SIAH3: variants seen among roughly 807,000 people sequenced by gnomAD.
SIAH3 encodes the protein siah E3 ubiquitin protein ligase family member 3, also known as seven in absentia homolog 3.
In SIAH3, 9 loss-of-function variants were observed where a neutral mutation model predicts 12.6. The ratio of observed to expected loss-of-function variants is 0.72; its 90% CI spans 0.43 to 1.25. SIAH3 has a LOEUF of 1.25. Among genes scored for constraint, SIAH3 ranks in the 50% most tolerant of loss-of-function variants. SIAH3 has a pLI of 0.00. For missense variants in SIAH3, 390 were observed against 365.4 expected, an observed-to-expected ratio of 1.07 and a Z score of -0.55; for synonymous variants, 154 against 151.1, an observed-to-expected ratio of 1.02 and a Z score of -0.14.
chr13:45,834,100 A>G (rs1950709800), intron 1 of SIAH3, among the ~76,000 whole-genome samples: 1 of 152,132 alleles, frequency 6.6e-6, no homozygotes, highest in African/African-American at 2.4e-5. Flanking sequence ...CTAATTGGAA[A>G]CTGCCTTCTG....
intron 1 of SIAH3, among the ~76,000 whole-genome samples, chr13:45,803,876 A>G (rs1054907129): frequency 1.3e-5 from 2 of 152,196 alleles, no homozygotes; most frequent in African/African-American, 4.8e-5. Flanking sequence ...CAAGGATGAC[A>G]TAAGAAAACT....
intron 1 of SIAH3, among the ~76,000 whole-genome samples, chr13:45,823,241 G>A (rs1879014834): frequency 6.6e-6 from 1 of 152,126 alleles, no homozygotes; most frequent in South Asian, 2.1e-4. Context: ...CCACTGCCTG[G>A]CCCAACCCTA....
At chr13:45,845,180 T>G (rs1950754316) in intron 1 of SIAH3, among the ~76,000 whole-genome samples, 1 of 142,808 alleles carries the variant, frequency 7.0e-6, no homozygotes, top group Admixed American at 7.8e-5. Context: ...TCTCATTTGT[T>G]TTATGCATTT....
chr13:45,846,047 T>G (rs1950758684), intron 1 of SIAH3, among the ~76,000 whole-genome samples: 1 of 149,662 alleles, frequency 6.7e-6, no homozygotes, highest in African/African-American at 2.5e-5. Flanking sequence ...CCTGGGGCAG[T>G]GTAGGAATAT....
chr13:45,778,016 A>C lies in SIAH3; in HGVS notation c.*5367T>G, dbSNP rs1009138550. ...TCTGGGTAGGCTATGGATTGTGAAC[A>C]GGGTCCTTACTGGGTTGCAAAAAAG... On this transcript the variant is annotated 3_prime_UTR_variant, in exon 2 of 2. Coordinates refer to ENST00000400405, the MANE Select transcript of SIAH3 (RefSeq NM_198849.3). 3 of 152,212 alleles carry C rather than the reference A, an allele frequency of 2.0e-5. No individual in the cohort carries two copies. Among genetic ancestry groups the C allele is most frequent in the Admixed American group, 2.0e-4 (3 of 15,280 alleles). 9.4% of individuals were successfully genotyped at this position (152,212 alleles called of 1,614,324 possible). A position where few individuals can be genotyped will look rare whatever the true frequency, so the allele number is the denominator to read the frequency against.
At position 45,779,054 on chromosome 13, in the gene SIAH3, A is replaced by G. The variant is rs1175111587; in HGVS notation, c.*4329T>C. 1.3e-5 allele frequency: 2 copies of G among 152,174 alleles called. No individual in the cohort carries two copies. The highest frequency in any genetic ancestry group is 2.9e-5 in the Non-Finnish European group (2 of 68,028). 9.4% of individuals were successfully genotyped at this position (152,174 alleles called of 1,614,324 possible). ...AGTAGCATTTGCTAATTTCCATGGT[A>G]TGAATACTTCCACCATGGCTAATTT... On this transcript the variant is annotated 3_prime_UTR_variant, in exon 2 of 2. Coordinates refer to ENST00000400405, the MANE Select transcript of SIAH3 (RefSeq NM_198849.3).
intron 1 of SIAH3, among the ~76,000 whole-genome samples, chr13:45,846,126 G>A (rs1048379324): frequency 4.3e-5 from 4 of 93,050 alleles, no homozygotes; most frequent in East Asian, 7.1e-4. Context: ...TTTCGCTCTT[G>A]TTGCCCAGGC....
At chr13:45,797,619 C>T (rs1396504599) in intron 1 of SIAH3, among the ~76,000 whole-genome samples, 1 of 152,146 alleles carries the variant, frequency 6.6e-6, no homozygotes, top group Non-Finnish European at 1.5e-5. Flanking sequence ...ACACAAATCA[C>T]CTGGGCATCT....
intron 1 of SIAH3, among the ~76,000 whole-genome samples, chr13:45,789,757 C>T (rs77792528): frequency 0.048 from 7,250 of 152,156 alleles, 331 homozygotes; most frequent in East Asian, 0.14. Flanking sequence ...ATTCCTGAAT[C>T]AGGAATTCAA....
intron 1 of SIAH3, among the ~76,000 whole-genome samples, chr13:45,795,387 A>AATC (rs1246571850): frequency 6.6e-6 from 1 of 152,188 alleles, no homozygotes; most frequent in Non-Finnish European, 1.5e-5. Flanking sequence ...CAGACCTGCT[A>AATC]ATCTGTGACA....
rs774095126 is a variant in SIAH3 at position 45,783,960 on chromosome 13, T to G, written c.233A>C (p.His78Pro). ...LSHHHCHHRH[H>P]HHLRHHAHPH... The stretch of plus-strand genomic sequence containing the variant: ...GTGGGCGTGGTGGCGGAGGTGGTGG[T>G]GGTGGCGGTGGTGGCAGTGGTGGTG... The change falls in exon 2 of 2, where the codon CAC becomes CCC. Residue 78 changes from histidine to proline, a missense_variant. By Grantham distance (77) the His-to-Pro change is moderately conservative. Transcript: ENST00000400405. 111 of 1,603,422 alleles carry G rather than the reference T, an allele frequency of 6.9e-5. No homozygotes were observed. Among genetic ancestry groups the G allele is most frequent in the Non-Finnish European group, 1.7e-6 (2 of 1,175,320 alleles).
intron 1 of SIAH3, among the ~76,000 whole-genome samples, chr13:45,793,572 G>C (rs557206447): frequency 1.3e-5 from 2 of 152,152 alleles, no homozygotes; most frequent in African/African-American, 4.8e-5. Context: ...CACTGTATCC[G>C]AAGTGTCAGC....
chr13:45,849,337 C>A (rs1009824000), intron 1 of SIAH3, among the ~76,000 whole-genome samples: 6 of 152,198 alleles, frequency 3.9e-5, no homozygotes, highest in South Asian at 2.1e-4. Flanking sequence ...CCTCTCAAAG[C>A]ATACGTCATC....
At chr13:45,817,543 A>C (rs1248121863) in intron 1 of SIAH3, among the ~76,000 whole-genome samples, 1 of 152,222 alleles carries the variant, frequency 6.6e-6, no homozygotes, top group Non-Finnish European at 1.5e-5. Context: ...GGTGGGCCCT[A>C]CTTGCCATCA....
intron 1 of SIAH3, among the ~76,000 whole-genome samples, chr13:45,829,866 G>A (rs901792405): frequency 1.3e-5 from 2 of 151,960 alleles, no homozygotes; most frequent in Non-Finnish European, 2.9e-5. Flanking sequence ...GCTTGGGTTC[G>A]AGGCCATGAT....
intron 1 of SIAH3, among the ~76,000 whole-genome samples, chr13:45,836,362 G>A (rs79395169): frequency 0.035 from 5,320 of 152,242 alleles, 271 homozygotes; most frequent in African/African-American, 0.11. Context: ...ATACGCCATG[G>A]AATACTATGC....
intron 1 of SIAH3, among the ~76,000 whole-genome samples, chr13:45,836,793 C>T (rs1181634849): frequency 1.3e-5 from 2 of 152,168 alleles, no homozygotes; most frequent in Non-Finnish European, 2.9e-5. Context: ...ATAAAGAAAT[C>T]CTGCCTCAGT....
chr13:45,819,447 G>T (rs1006623252), intron 1 of SIAH3, among the ~76,000 whole-genome samples: 1 of 152,138 alleles, frequency 6.6e-6, no homozygotes, highest in Non-Finnish European at 1.5e-5. Context: ...AGGAAGGAGT[G>T]GTGGTCGCTG....
rs192774095 is a variant in SIAH3, at chr13:45,796,167, A to C, written c.136-12110T>G. 6.6e-4 allele frequency among the ~76,000 whole-genome samples: 100 copies of C among 152,264 alleles called. 2 individuals carry two copies. The South Asian group carries it at 0.019, about 29-fold the overall frequency. ...GCTCTATGGATATGTGATTTTATATATATATATGTGTGTAAAAATTCATTG... is the reference window on the plus strand; with the variant it reads ...GCTCTATGGATATGTGATTTTATATCTATATATGTGTGTAAAAATTCATTG... On this transcript the variant is annotated intron_variant, in intron 1 of 1. Coordinates refer to ENST00000400405, the MANE Select transcript of SIAH3 (RefSeq NM_198849.3).
Sources: gnomAD v4.1 joint callset for allele counts (sites outside exome capture counted in the v4.1 genomes callset) on GRCh38, gnomAD v4.1.1 for gene constraint, MANE v1.5 for transcripts, NCBI Gene and HGNC (gene_info 2026-07-23, HGNC 2026-07-21) for gene names.